PLCL1: variants seen among roughly 807,000 people sequenced by gnomAD.
The protein encoded by PLCL1 is phospholipase C like 1 (inactive), also known as inactive phospholipase C-like protein 1.
PLCL1 carries 41 observed loss-of-function variants against 84.4 expected under a neutral mutation model. That is an observed-to-expected ratio of 0.49 (90% CI 0.38 to 0.63). PLCL1 has a LOEUF of 0.63. PLCL1 is among the 30% of genes least tolerant of loss of function. The probability of loss-of-function intolerance (pLI) is 0.00; values close to 1 mark genes in which losing one functional copy is unlikely to be tolerated. For synonymous variants in PLCL1, 490 were observed against 488.3 expected, an observed-to-expected ratio of 1.00 and a Z score of -0.05; for missense variants, 1,206 against 1,367.8, an observed-to-expected ratio of 0.88 and a Z score of 1.87.
chr2:198,052,342 C>T (rs758409243), intron 1 of PLCL1, among the ~76,000 whole-genome samples: 8 of 152,182 alleles, frequency 5.3e-5, no homozygotes, highest in Non-Finnish European at 8.8e-5. Flanking sequence ...TGAGCCATGG[C>T]GCCCAGCCCA....
chr2:197,966,168 C>T (rs1464556957), intron 1 of PLCL1, among the ~76,000 whole-genome samples: 1 of 151,734 alleles, frequency 6.6e-6, no homozygotes, highest in Admixed American at 6.6e-5. Context: ...TCTCTTTACT[C>T]TTCCCTCTCC....
intron 3 of PLCL1, among the ~76,000 whole-genome samples, chr2:198,094,663 T>C (rs373839842): frequency 6.6e-6 from 1 of 152,206 alleles, no homozygotes; most frequent in African/African-American, 2.4e-5. Context: ...GGGTTATCAG[T>C]AATTCATTCT....
chr2:197,879,345 A>G (rs758363228), intron 1 of PLCL1, among the ~76,000 whole-genome samples: 10 of 152,202 alleles, frequency 6.6e-5, no homozygotes, highest in Non-Finnish European at 1.3e-4. Flanking sequence ...AGTGCAAATA[A>G]AAGAGAACAC....
In PLCL1 at chr2:198,098,828, A is replaced by G. The variant is rs142646680; in HGVS notation, c.2920-2457A>G. Among the ~76,000 whole-genome samples, 19 of 152,294 alleles carry G rather than the reference A, an allele frequency of 1.2e-4. No individual in the cohort carries two copies. In the East Asian group the frequency reaches 3.3e-3, roughly 26 times the overall value. On this transcript the variant is annotated intron_variant, in intron 3 of 5. Transcript: ENST00000428675. ...ATAGTTTCTTCACAAAAGCTGGACA[A>G]TTTAATCCATCTTTGAGTAACAGTA...
intron 1 of PLCL1, among the ~76,000 whole-genome samples, chr2:197,982,871 A>G (rs1690138224): frequency 6.6e-6 from 1 of 152,226 alleles, no homozygotes; most frequent in African/African-American, 2.4e-5. Flanking sequence ...CAATTTGTTG[A>G]TTCAAAACTT....
intron 1 of PLCL1, among the ~76,000 whole-genome samples, chr2:197,836,182 A>G (rs1286659388): frequency 6.6e-6 from 1 of 152,116 alleles, no homozygotes; most frequent in Non-Finnish European, 1.5e-5. Context: ...TTTTGTTTGT[A>G]AAAAATCCTT....
At chr2:197,851,366 G>A (rs185100192) in intron 1 of PLCL1, among the ~76,000 whole-genome samples, 3 of 152,296 alleles carry the variant, frequency 2.0e-5, no homozygotes, top group Non-Finnish European at 4.4e-5. Flanking sequence ...TAGTAATTAC[G>A]TAGCTTATCA....
intron 1 of PLCL1, among the ~76,000 whole-genome samples, chr2:198,001,658 G>A (rs1396328763): frequency 6.6e-6 from 1 of 151,940 alleles, no homozygotes; most frequent in Non-Finnish European, 1.5e-5. Context: ...CATTCTCATG[G>A]CTCTAGAGCA....
chr2:198,100,966 G>A (rs1693317685), intron 3 of PLCL1, among the ~76,000 whole-genome samples: 1 of 152,002 alleles, frequency 6.6e-6, no homozygotes, highest in South Asian at 2.1e-4. Context: ...TGATGTTAAG[G>A]GAGTGGAATT....
At chr2:198,024,782 C>G (rs919120567) in intron 1 of PLCL1, among the ~76,000 whole-genome samples, 2 of 147,318 alleles carry the variant, frequency 1.4e-5, no homozygotes, top group African/African-American at 5.0e-5. Context: ...AAAACAATTA[C>G]TACGAGTGGT....
At chr2:198,110,269 G>T (rs1333908500) in intron 5 of PLCL1, among the ~76,000 whole-genome samples, 2 of 151,666 alleles carry the variant, frequency 1.3e-5, no homozygotes, top group East Asian at 3.9e-4. Context: ...TCCCCATAAC[G>T]CTTTTGCTTT....
chr2:198,006,054 T>C (rs982395399), intron 1 of PLCL1, among the ~76,000 whole-genome samples: 2 of 152,140 alleles, frequency 1.3e-5, no homozygotes, highest in Non-Finnish European at 2.9e-5. Flanking sequence ...TTCCTAGGTA[T>C]CTAGAAAAGG....
intron 1 of PLCL1, among the ~76,000 whole-genome samples, chr2:198,072,571 G>A (rs1164377975): frequency 6.6e-6 from 1 of 151,776 alleles, no homozygotes; most frequent in Non-Finnish European, 1.5e-5. Flanking sequence ...ATTTTCATGA[G>A]AATGCGTCTA....
intron 1 of PLCL1, among the ~76,000 whole-genome samples, chr2:197,893,239 T>C (rs1481097809): frequency 6.6e-6 from 1 of 152,210 alleles, no homozygotes; most frequent in Admixed American, 6.5e-5. Flanking sequence ...ATATACTGTC[T>C]CTTATTAGAT....
At position 197,993,207 on chromosome 2, in the gene PLCL1, G is replaced by A. The variant is rs148392103; in HGVS notation, c.241-90551G>A. 6.6e-3 allele frequency among the ~76,000 whole-genome samples: 1,010 copies of A among 152,194 alleles called. 3 individuals are homozygous for A. The highest frequency in any genetic ancestry group is 0.01 in the Non-Finnish European group (707 of 68,004). On this transcript the variant is annotated intron_variant, in intron 1 of 5. Coordinates refer to ENST00000428675, the MANE Select transcript of PLCL1 (RefSeq NM_006226.4). Reference sequence around the variant, plus strand: ...TTGTTTTATAATAGCAATCCTAATGGGTGTGAAGTTGTATCTCATTGCGGT... The same window carrying A: ...TTGTTTTATAATAGCAATCCTAATGAGTGTGAAGTTGTATCTCATTGCGGT...
At chr2:198,028,137 G>A (rs951925032) in intron 1 of PLCL1, among the ~76,000 whole-genome samples, 3 of 152,010 alleles carry the variant, frequency 2.0e-5, no homozygotes, top group South Asian at 2.1e-4. Flanking sequence ...TGCCATGTGC[G>A]GCCAGGAACT....
chr2:198,008,816 A>G (rs78121155), intron 1 of PLCL1, among the ~76,000 whole-genome samples: 3,452 of 152,072 alleles, frequency 0.023, 131 homozygotes, highest in African/African-American at 0.079. Flanking sequence ...TTACATTCCC[A>G]CCAATAATAC....
intron 5 of PLCL1, among the ~76,000 whole-genome samples, chr2:198,106,457 A>T (rs1693476780): frequency 6.6e-6 from 1 of 151,936 alleles, no homozygotes; most frequent in Non-Finnish European, 1.5e-5. Context: ...TGGATAAGGC[A>T]TCATTTGCTT....
intron 3 of PLCL1, among the ~76,000 whole-genome samples, chr2:198,100,413 G>A (rs1463683007): frequency 1.3e-5 from 2 of 152,024 alleles, no homozygotes; most frequent in Admixed American, 1.3e-4. Context: ...AGAGGAGAGG[G>A]CACTGAAGTG....
Sources: gnomAD v4.1 joint callset for allele counts (sites outside exome capture counted in the v4.1 genomes callset) on GRCh38, gnomAD v4.1.1 for gene constraint, MANE v1.5 for transcripts, NCBI Gene and HGNC (gene_info 2026-07-23, HGNC 2026-07-21) for gene names.